The following SLC25A14 variants were observed in gnomAD, a reference collection of about 807,000 sequenced individuals.
SLC25A14 encodes solute carrier family 25 member 14.
Under a neutral mutation model 28.1 loss-of-function variants are expected in SLC25A14, and 8 were observed. That is an observed-to-expected ratio of 0.28 (90% CI 0.17 to 0.51). SLC25A14 has a LOEUF of 0.51. Ranked by LOEUF, SLC25A14 falls within the 20% of genes least tolerant of loss-of-function variation. The probability of loss-of-function intolerance (pLI) is 0.97; values close to 1 mark genes in which losing one functional copy is unlikely to be tolerated. For synonymous variants in SLC25A14, 74 were observed against 90.6 expected, an observed-to-expected ratio of 0.82 and a Z score of 1.04; for missense variants, 135 against 263.8, an observed-to-expected ratio of 0.51 and a Z score of 3.38.
intron 8 of SLC25A14, chrX:130,365,137 T>A: frequency 1.2e-6 from 1 of 811,099 alleles, no homozygotes; most frequent in Non-Finnish European, 1.5e-6. Context: ...TAAAGCACAG[T>A]TTTTTGGCTA....
intron 7 of SLC25A14, among the ~76,000 whole-genome samples, chrX:130,361,028 A>T (rs2033950883): frequency 8.9e-6 from 1 of 112,137 alleles, no homozygotes; most frequent in Non-Finnish European, 1.9e-5. Context: ...GTGGAATCAC[A>T]CAATATTTAT....
rs932002713 is a variant in SLC25A14, at chrX:130,365,269, G to T, written c.720-272G>T. On this transcript the variant is annotated intron_variant, in intron 8 of 10. Coordinates refer to ENST00000545805, the MANE Select transcript of SLC25A14 (RefSeq NM_001282195.2). ...GAAAAATTTATGTAACTAATACATG[G>T]TGCATGATACTTTCTACTTAGGAAT... 3.1e-5 allele frequency: 28 copies of T among 900,795 alleles called. No individual in the cohort carries two copies. The African/African-American group carries it at 5.6e-4, about 18-fold the overall frequency. The allele number at this position is 900,795 out of a possible 1,213,427, so 74.2% of individuals were successfully genotyped here. A position where few individuals can be genotyped will look rare whatever the true frequency, so the allele number is the denominator to read the frequency against.
At chrX:130,364,808 T>C (rs2034074268) in intron 8 of SLC25A14, 56 bp downstream of exon 8, 2 of 1,175,218 alleles carry the variant, frequency 1.7e-6, no homozygotes, top group African/African-American at 3.5e-5. Flanking sequence ...ACAAAAAGCC[T>C]CTTTTACTGA....
At chrX:130,362,101 T>TTTTATTTATTTATTTA (rs756869110) in intron 7 of SLC25A14, among the ~76,000 whole-genome samples, 1 of 95,738 alleles carries the variant, frequency 1.0e-5, no homozygotes, top group Non-Finnish European at 2.1e-5. Flanking sequence ...TTCCACTTCA[T>TTTTATTTATTTATTTA]TTTATTTATT....
At chrX:130,372,468 T>A (rs772539565) in intron 10 of SLC25A14, among the ~76,000 whole-genome samples, 16 of 53,424 alleles carry the variant, frequency 3.0e-4, no homozygotes, top group African/African-American at 8.0e-4. Flanking sequence ...TATTTATTTT[T>A]ATTTTTTTTT....
intron 10 of SLC25A14, 57 bp from the exon 11 acceptor site, chrX:130,372,852 A>T: frequency 1.3e-6 from 1 of 794,916 alleles, no homozygotes; most frequent in Non-Finnish European, 1.9e-6. Context: ...TGCTAATTTT[A>T]GAACTAGCTT....
chrX:130,372,961 A>T lies in SLC25A14; in HGVS notation c.*11A>T, dbSNP rs978826504. On this transcript the variant is annotated 3_prime_UTR_variant, in exon 11 of 11. Transcript: ENST00000545805. ...AGGCTTCAAATCTAAGAACTGAATT[A>T]TATGTGAGCCCAGCCCTGCCAGCCT... is the stretch of plus-strand genomic sequence containing the variant. 1.7e-6 allele frequency: 2 copies of T among 1,153,497 alleles called. No homozygotes were observed. The highest frequency in any genetic ancestry group is 3.6e-5 in the African/African-American group (2 of 55,714).
At chrX:130,352,277 C>T (rs931555214) in intron 6 of SLC25A14, among the ~76,000 whole-genome samples, 2 of 112,350 alleles carry the variant, frequency 1.8e-5, no homozygotes, top group Admixed American at 1.9e-4. Context: ...CATAGTATTC[C>T]ATGGTGTATA....
chrX:130,350,517 C>T, intron 5 of SLC25A14, 129 bp from the exon 6 acceptor site: 2 of 310,366 alleles, frequency 6.4e-6, no homozygotes, highest in South Asian at 1.3e-4. Context: ...CTTTATTTTC[C>T]TAAGCTTTTT....
chrX:130,369,279 G>T (rs1311818260), intron 9 of SLC25A14, among the ~76,000 whole-genome samples: 1 of 109,997 alleles, frequency 9.1e-6, no homozygotes, highest in Non-Finnish European at 1.9e-5. Context: ...GCAAGACCAT[G>T]TTTCTTAATT....
chrX:130,348,929 G>A (rs2033540001), intron 4 of SLC25A14, among the ~76,000 whole-genome samples: 1 of 108,102 alleles, frequency 9.3e-6, no homozygotes. Flanking sequence ...TCCTTTGACA[G>A]ACACTTGGTC....
intron 9 of SLC25A14, among the ~76,000 whole-genome samples, chrX:130,367,466 A>C (rs1452048509): frequency 8.9e-6 from 1 of 111,740 alleles, no homozygotes; most frequent in Admixed American, 9.5e-5. Flanking sequence ...TGCATGAGGA[A>C]AATCCAGTGG....
intron 7 of SLC25A14, among the ~76,000 whole-genome samples, chrX:130,359,352 C>CAAAAAAAAAAAAA (rs55826694): frequency 3.8e-5 from 1 of 26,233 alleles, no homozygotes; most frequent in Non-Finnish European, 7.5e-5. Flanking sequence ...GACTCTGTCT[C>CAAAAAAAAAAAAA]AAAAAAAAAA....
At chrX:130,349,911 T>C (rs1165343360) in intron 5 of SLC25A14, 2 of 111,916 alleles carry the variant, frequency 1.8e-5, no homozygotes, top group Non-Finnish European at 3.8e-5. Flanking sequence ...TAAAGTCAAC[T>C]TTTTCTGAAG....
chrX:130,363,493 A>G (rs1338733424), intron 7 of SLC25A14, among the ~76,000 whole-genome samples: 1 of 112,276 alleles, frequency 8.9e-6, no homozygotes, highest in East Asian at 2.8e-4. Context: ...GCTATTATGA[A>G]TACTGCTATG....
intron 10 of SLC25A14, 126 bp from the exon 11 acceptor site, chrX:130,372,783 G>T: frequency 7.2e-6 from 4 of 552,890 alleles, no homozygotes; most frequent in Non-Finnish European, 1.2e-5. Context: ...TTTTAGAAAA[G>T]ATTTTAAAGC....
At chrX:130,349,566 G>A (rs1308344095) in intron 5 of SLC25A14, 1 of 234,818 alleles carries the variant, frequency 4.3e-6, no homozygotes, top group East Asian at 6.8e-5. Context: ...AAAAAGGCAT[G>A]TGATCATCCC....
intron 9 of SLC25A14, 66 bp downstream of exon 9, chrX:130,365,742 CTTA>C (rs1378694865): frequency 3.8e-6 from 3 of 796,047 alleles, no homozygotes; most frequent in Non-Finnish European, 5.5e-6. Flanking sequence ...TCCTTCAGTT[CTTA>C]TTATTAGTTG....
chrX:130,362,565 GA>G (rs1434614492), intron 7 of SLC25A14, among the ~76,000 whole-genome samples: 16 of 111,727 alleles, frequency 1.4e-4, no homozygotes, highest in African/African-American at 4.9e-4. Flanking sequence ...AATACCAGAG[GA>G]AAAAAATATT....
Sources: allele counts gnomAD v4.1 joint callset (sites outside exome capture counted in the v4.1 genomes callset), GRCh38; gene constraint gnomAD v4.1.1; transcripts MANE v1.5; gene names NCBI Gene and HGNC (gene_info 2026-07-23, HGNC 2026-07-21).